CHD8: variants seen among roughly 807,000 people sequenced by gnomAD.
The protein encoded by CHD8 is ATP-dependent chromatin remodeler CHD8.
CHD8 carries 31 observed loss-of-function variants against 279.2 expected under a neutral mutation model. That is an observed-to-expected ratio of 0.11 (90% confidence interval 0.08 to 0.15). The LOEUF (loss-of-function observed/expected upper bound fraction) is 0.15, where lower values mean the gene tolerates loss of function less well. CHD8 is among the 10% of genes least tolerant of loss of function. The pLI, the probability that CHD8 is intolerant of heterozygous loss-of-function variation, is 1.00. For missense variants in CHD8, 2,146 were observed against 3,230.5 expected (o/e 0.66, Z 8.14); for synonymous variants, 1,081 against 1,139.6 (o/e 0.95, Z 1.04).
chr14:21,397,895 G>A lies in CHD8; in HGVS notation c.4979C>T (p.Ala1660Val). ...AATTGCTTTGTCATCTGGTCGGCCA[G>A]CCTTTTCTAGGAAACATAAGGCTGG... ...ADPALCFLEK[A>V]GRPDDKAIAA... The change falls in exon 27 of 38, where the codon GCT becomes GTT. Residue 1660 changes from alanine (A) to valine (V), a missense_variant. Coordinates refer to ENST00000646647, the MANE Select transcript of CHD8 (RefSeq NM_001170629.2). 6.2e-7 allele frequency: 1 copy of A among 1,612,310 alleles called. No homozygotes were observed. Among genetic ancestry groups the A allele is most frequent in the South Asian group, 1.1e-5 (1 of 90,766 alleles).
In CHD8 at chr14:21,393,513, G is replaced by C. The variant is rs1170657630; in HGVS notation, c.6282C>G (p.Ser2094Arg). The C allele has an allele frequency of 4.4e-6, 7 of 1,589,178 alleles. No individual in the cohort carries two copies. The highest frequency in any genetic ancestry group is 6.0e-6 in the Non-Finnish European group (7 of 1,167,218). ...SSSSSSSSSSSTDESEDEKEE... is the reference protein window; with the variant it reads ...SSSSSSSSSSRTDESEDEKEE... ...CCTTCTCATCCTCACTCTCATCAGT[G>C]CTGGAGCTGGAGCTGGATGAGGATG... Residue 2094 changes from serine to arginine, a missense_variant, in exon 32 of 38, where the codon AGC becomes AGG. This residue lies in a region of CHD8 where 513 missense variants were observed against 637.6 expected (regional missense o/e 0.80). Transcript: ENST00000646647.
chr14:21,439,010 C>T (rs1889889303), intron 1 of CHD8, among the ~76,000 whole-genome samples: 1 of 151,772 alleles, frequency 6.6e-6, no homozygotes, highest in Admixed American at 6.6e-5. Context: ...ACCTGTAGTC[C>T]CAGCTACTGG....
In CHD8 at chr14:21,392,114, C is replaced by G. The variant is rs376064377; in HGVS notation, c.6772-168G>C. On this transcript the variant is annotated intron_variant, in intron 34 of 37. Transcript: ENST00000646647. Reference sequence around the variant, plus strand: ...TTAGAAATACAAGAAAACATACACACTTTTTCCTTAGAAAGATTTCACTTC... The same window carrying G: ...TTAGAAATACAAGAAAACATACACAGTTTTTCCTTAGAAAGATTTCACTTC... The G allele has an allele frequency of 6.5e-6, 5 of 763,386 alleles. No homozygotes were observed. In the African/African-American group the frequency reaches 6.8e-5, roughly 10 times the overall value. The allele number at this position is 763,386 out of a possible 1,614,324, so 47.3% of individuals were successfully genotyped here.
chr14:21,439,759 CTGTCT>C (rs1294569828), intron 1 of CHD8, among the ~76,000 whole-genome samples: 2 of 152,150 alleles, frequency 1.3e-5, no homozygotes, highest in Non-Finnish European at 2.9e-5. Flanking sequence ...CTTATATTTC[CTGTCT>C]TATTTTCTAC....
chr14:21,434,080 T>G (rs1889674668), intron 1 of CHD8, among the ~76,000 whole-genome samples: 1 of 149,704 alleles, frequency 6.7e-6, no homozygotes, highest in South Asian at 2.1e-4. Context: ...AGTTTCACTC[T>G]TGTCGCCCAG....
At chr14:21,396,312 A>G (rs554048281) in intron 27 of CHD8, among the ~76,000 whole-genome samples, 5 of 150,316 alleles carry the variant, frequency 3.3e-5, no homozygotes, top group African/African-American at 7.4e-5. Context: ...TTATTTTTAT[A>G]TATATATTCT....
Position 21,428,272 on chromosome 14 carries a change from C to G in CHD8, c.1216-18G>C, listed in dbSNP as rs1188459020. 1 of 1,605,842 alleles carries G rather than the reference C, an allele frequency of 6.2e-7. No homozygotes were observed. The highest frequency in any genetic ancestry group is 2.2e-5 in the East Asian group (1 of 44,780). Reference sequence around the variant, plus strand: ...GAGCCAGCCTATAGAAACAAAGATACTACAATTTCAACTTGCTTGTAGTTA... The same window carrying G: ...GAGCCAGCCTATAGAAACAAAGATAGTACAATTTCAACTTGCTTGTAGTTA... On this transcript the variant is annotated intron_variant, in intron 3 of 37. Transcript: ENST00000646647.
At chr14:21,414,208 T>C in intron 9 of CHD8, 93 bp downstream of exon 9, 1 of 715,374 alleles carries the variant, frequency 1.4e-6, no homozygotes. Flanking sequence ...TAGAAACCAA[T>C]TACAAGTATT....
At position 21,403,337 on chromosome 14, in the gene CHD8, A is replaced by G. The variant is rs922144666; in HGVS notation, c.3518+116T>C. On this transcript the variant is annotated intron_variant, in intron 17 of 37. Transcript: ENST00000646647. This position sits in a 1 kb window ranked among gnomAD's most constrained non-coding sequence, Gnocchi z 4.3. ...GTCAAAAACCCAAGTTGAGAGTGAG[A>G]ATCTTAAAAACTTCTCTTATTGCAA... 3.2e-6 allele frequency: 4 copies of G among 1,266,998 alleles called. No homozygotes were observed. The African/African-American group carries it at 4.5e-5, about 14-fold the overall frequency. The allele number at this position is 1,266,998 out of a possible 1,614,324, so 78.5% of individuals were successfully genotyped here. A position where few individuals can be genotyped will look rare whatever the true frequency, so the allele number is the denominator to read the frequency against.
Position 21,414,978 on chromosome 14 carries a change from A to G in CHD8, c.1984T>C (p.Tyr662His), listed in dbSNP as rs1179083663. 1 of 1,596,840 alleles carries G rather than the reference A, an allele frequency of 6.3e-7. No homozygotes were observed. Among genetic ancestry groups the G allele is most frequent in the Non-Finnish European group, 8.5e-7 (1 of 1,169,956 alleles). ...ACAAAGAATTCTTCTGCTTCAGTAT[A>G]TTGTCCAGAAGGGAGCTAAGAAAAA... ...IVKKELPSGQ[Y>H]TEAEEFFVKY... Residue 662 changes from tyrosine (Y) to histidine (H), a missense_variant, in exon 8 of 38, where the codon TAT (tyrosine) becomes CAT (histidine). By Grantham distance (83) the Tyr-to-His change is moderately conservative (BLOSUM62 2). Coordinates refer to ENST00000646647, the MANE Select transcript of CHD8 (RefSeq NM_001170629.2).
chr14:21,423,832 A>G (rs1322957638), intron 5 of CHD8, among the ~76,000 whole-genome samples: 1 of 152,212 alleles, frequency 6.6e-6, no homozygotes, highest in Non-Finnish European at 1.5e-5. Context: ...AAGCAACCCT[A>G]TTTGGTAAGT....
chr14:21,414,095 TC>T (rs1888619980), intron 9 of CHD8: 1 of 513,338 alleles, frequency 1.9e-6, no homozygotes, highest in Non-Finnish European at 3.5e-6. Flanking sequence ...TTTCAAAATA[TC>T]CTATAACTAA....
intron 8 of CHD8, 31 bp from the exon 9 acceptor site, chr14:21,414,449 G>A (rs1158998168): frequency 1.7e-6 from 2 of 1,196,878 alleles, no homozygotes; most frequent in East Asian, 5.1e-5. Context: ...CAGTCATGGT[G>A]CAAGTAAAAG....
Position 21,397,929 on chromosome 14 carries a change from T to A in CHD8, c.4945A>T (p.Arg1649Trp). ...KHGYEKYNTM[R>W]ADPALCFLEK... ...AGGAAACATAAGGCTGGGTCTGCCCTCATGGTATTATATTTCTCATAGCCT... is the reference window on the plus strand; with the variant it reads ...AGGAAACATAAGGCTGGGTCTGCCCACATGGTATTATATTTCTCATAGCCT... The change falls in exon 27 of 38, where the codon AGG (arginine) becomes TGG (tryptophan). Residue 1649 changes from arginine to tryptophan, a missense_variant. By Grantham distance (101) the Arg-to-Trp change is moderately radical. Coordinates refer to ENST00000646647, the MANE Select transcript of CHD8 (RefSeq NM_001170629.2). 1.9e-6 allele frequency: 3 copies of A among 1,610,110 alleles called. No individual in the cohort carries two copies. The highest frequency in any genetic ancestry group is 2.5e-6 in the Non-Finnish European group (3 of 1,177,932).
At chr14:21,452,977 C>A (rs1290258378) in intron 1 of CHD8, among the ~76,000 whole-genome samples, 1 of 146,812 alleles carries the variant, frequency 6.8e-6, no homozygotes, top group East Asian at 2.0e-4. Flanking sequence ...AGCGAGACTC[C>A]ATCTCAAAAA....
chr14:21,449,174 AAAAT>A (rs565506951), intron 1 of CHD8, among the ~76,000 whole-genome samples: 13 of 152,066 alleles, frequency 8.5e-5, no homozygotes, highest in Non-Finnish European at 1.6e-4. Context: ...ACTTCATCGC[AAAAT>A]AAATAAATAA....
chr14:21,416,097 C>CTTA, intron 5 of CHD8, 190 bp from the exon 6 acceptor site: 1 of 476,418 alleles, frequency 2.1e-6, no homozygotes, highest in Admixed American at 3.9e-5. Context: ...TATCAATTTG[C>CTTA]TTAACTGCTT....
chr14:21,409,140 TAAAA>T (rs956413939), intron 11 of CHD8, among the ~76,000 whole-genome samples: 4 of 151,918 alleles, frequency 2.6e-5, no homozygotes, highest in Non-Finnish European at 2.9e-5. Flanking sequence ...ACATTAAAAA[TAAAA>T]AAACAAACAA....
At chr14:21,443,620 C>T (rs1890039575) in intron 1 of CHD8, among the ~76,000 whole-genome samples, 2 of 151,884 alleles carry the variant, frequency 1.3e-5, no homozygotes, top group Middle Eastern at 6.9e-3. Flanking sequence ...TTTGGGAGGC[C>T]GAGGTGGGTG....
Sources: gnomAD v4.1 joint callset for allele counts (sites outside exome capture counted in the v4.1 genomes callset) on GRCh38, gnomAD v4.1.1 for gene constraint, gnomAD v4.1.1 regional missense constraint, Gnocchi (gnomAD v3.1) non-coding constraint, MANE v1.5 for transcripts, NCBI Gene and HGNC (gene_info 2026-07-23, HGNC 2026-07-21) for gene names.